Variants in SLC22A23 observed in about 807,000 individuals in gnomAD.
The protein encoded by SLC22A23 is solute carrier family 22 member 23.
Under a neutral mutation model 61.0 loss-of-function variants are expected in SLC22A23, and 26 were observed. The observed-to-expected ratio is 0.43, with a 90% CI of 0.31 to 0.59. The LOEUF is 0.59. SLC22A23 is among the 20% of genes least tolerant of loss of function. The pLI, the probability that SLC22A23 is intolerant of heterozygous loss-of-function variation, is 0.11. For synonymous variants in SLC22A23, 430 were observed against 413.9 expected (o/e 1.04, Z -0.47); for missense variants, 796 against 934.7 (o/e 0.85, Z 1.94).
rs71661359 is a variant in SLC22A23, at chr6:3,379,958, C to CGTGTGT, written c.913+30224_913+30229dup. 4.2e-4 allele frequency among the ~76,000 whole-genome samples: 63 copies of CGTGTGT among 150,172 alleles called. 2 individuals are homozygous for CGTGTGT. Among genetic ancestry groups the CGTGTGT allele is most frequent in the African/African-American group, 1.5e-3 (60 of 40,958 alleles). On this transcript the variant is annotated intron_variant, in intron 3 of 9. Transcript: ENST00000406686. Reference sequence around the variant, plus strand: ...CTTTGGAGAGAAAGGAGTGTGGATGCGTGTGTGTGTGTGTGTGTGCACGTG... The same window carrying CGTGTGT: ...CTTTGGAGAGAAAGGAGTGTGGATGCGTGTGTGTGTGTGTGTGTGTGTGTGCACGTG...
chr6:3,394,721 C>T (rs2127491419), intron 3 of SLC22A23, among the ~76,000 whole-genome samples: 2 of 152,336 alleles, frequency 1.3e-5, no homozygotes, highest in Middle Eastern at 6.8e-3. Context: ...AGACCAGACC[C>T]CTTAAGTCTC....
chr6:3,310,361 CTCCCACTCGAGCACCCTGT>C, intron 4 of SLC22A23, among the ~76,000 whole-genome samples: 1 of 75,584 alleles, frequency 1.3e-5, no homozygotes, highest in Non-Finnish European at 3.2e-5. Flanking sequence ...AGCACCCTGT[CTCCCACTCGAGCACCCTGT>C]CTCCCACTCG....
intron 9 of SLC22A23, chr6:3,282,342 A>T (rs1489596596): frequency 1.4e-6 from 1 of 702,114 alleles, no homozygotes; most frequent in Non-Finnish European, 2.6e-6. Context: ...TAGGGACAGG[A>T]TGAGTTCCTT....
chr6:3,322,776 A>G lies in SLC22A23; in HGVS notation c.1082+1058T>C, dbSNP rs1173737763. 6.6e-6 allele frequency among the ~76,000 whole-genome samples: 1 copy of G among 152,208 alleles called. No homozygotes were observed. Among genetic ancestry groups the G allele is most frequent in the African/African-American group, 2.4e-5 (1 of 41,444 alleles). The stretch of plus-strand genomic sequence containing the variant: ...TCTTCCCTCCCGGGCACCTGAGCAA[A>G]GGAAGCTCAGCTCCAGTGAACCCTT... On this transcript the variant is annotated intron_variant, in intron 4 of 9. Transcript: ENST00000406686. This position sits in a 1 kb window ranked among gnomAD's most constrained non-coding sequence, Gnocchi z 4.1.
At position 3,289,802 on chromosome 6, in the gene SLC22A23, C is replaced by G. The variant is rs142530404; in HGVS notation, c.1275G>C (p.Arg425=). 9.8e-4 allele frequency: 1,581 copies of G among 1,614,018 alleles called. 43 individuals are homozygous for G. The Admixed American group carries it at 0.023, about 23-fold the overall frequency. The change falls in exon 6 of 10, where the codon CGG becomes CGC. Residue 425 remains arginine, a synonymous_variant. Transcript: ENST00000406686. ...GGACCACAATGTTCTTCCACAGGTT[C>G]CGTGTCCCCACCACCTTCACGATGC... The part of the protein sequence containing the change: ...KVCIVKVVGT[R]NLWKNIVVLC...
At chr6:3,364,900 G>C (rs951092357) in intron 3 of SLC22A23, among the ~76,000 whole-genome samples, 3 of 152,196 alleles carry the variant, frequency 2.0e-5, no homozygotes, top group Non-Finnish European at 4.4e-5. Context: ...TGGTGGAGAG[G>C]GGGTAGGGGG....
At position 3,330,109 on chromosome 6, in the gene SLC22A23, G is replaced by A. The variant is rs1360726449; in HGVS notation, c.914-6107C>T. Among the ~76,000 whole-genome samples the A allele has an allele frequency of 6.6e-6, 1 of 152,190 alleles. No homozygotes were observed. Among genetic ancestry groups the A allele is most frequent in the South Asian group, 2.1e-4 (1 of 4,830 alleles). On this transcript the variant is annotated intron_variant, in intron 3 of 9. Coordinates refer to ENST00000406686, the MANE Select transcript of SLC22A23 (RefSeq NM_015482.2). This position sits in a 1 kb window ranked among gnomAD's most constrained non-coding sequence, Gnocchi z 4.7. ...AGCCCCAGAACACACAGGATTCAAA[G>A]AGGCCACTTCTCCAAACCCGCTGTC...
intron 9 of SLC22A23, among the ~76,000 whole-genome samples, chr6:3,278,753 G>A (rs927494143): frequency 6.6e-6 from 1 of 152,216 alleles, no homozygotes; most frequent in African/African-American, 2.4e-5. Flanking sequence ...TGGTAGACCT[G>A]GCTCTTTCAG....
chr6:3,285,234 T>C, intron 7 of SLC22A23, 123 bp from the exon 8 acceptor site: 1 of 1,353,704 alleles, frequency 7.4e-7, no homozygotes. Context: ...TCAAGCAAAC[T>C]CCCTTCCGTG....
chr6:3,332,940 G>T (rs901166468), intron 3 of SLC22A23, among the ~76,000 whole-genome samples: 1 of 152,118 alleles, frequency 6.6e-6, no homozygotes, highest in Admixed American at 6.5e-5. Context: ...TCATGCCCTG[G>T]TTTAATCTCT....
rs151141993 is a variant in SLC22A23 at position 3,308,235 on chromosome 6, G to GC, written c.1083-10018dup. On this transcript the variant is annotated intron_variant, in intron 4 of 9. Coordinates refer to ENST00000406686, the MANE Select transcript of SLC22A23 (RefSeq NM_015482.2). This position sits in a 1 kb window ranked among gnomAD's most constrained non-coding sequence, Gnocchi z 5.1. The stretch of plus-strand genomic sequence containing the variant: ...AGAAAATATTACAGAGAAGACGAAA[G>GC]CCCCCCCATACCGCTCACCCCAATC... 0.013 allele frequency among the ~76,000 whole-genome samples: 1,989 copies of GC among 152,108 alleles called. 49 individuals are homozygous for GC. Among genetic ancestry groups the GC allele is most frequent in the African/African-American group, 0.045 (1,884 of 41,480 alleles).
At chr6:3,294,731 C>G (rs552506383) in intron 5 of SLC22A23, among the ~76,000 whole-genome samples, 27 of 152,294 alleles carry the variant, frequency 1.8e-4, no homozygotes, top group Admixed American at 2.6e-4. Flanking sequence ...GGTTGCAGGA[C>G]TGACATTGAG....
chr6:3,430,350 C>T (rs6939748), intron 1 of SLC22A23, among the ~76,000 whole-genome samples: 46,255 of 151,954 alleles, frequency 0.3, 8,176 homozygotes, highest in East Asian at 0.48. Context: ...GACCAGACTG[C>T]CCCCCTCCCT....
chr6:3,279,439 A>C (rs9503519), intron 9 of SLC22A23, among the ~76,000 whole-genome samples: 1 of 146,512 alleles, frequency 6.8e-6, no homozygotes, highest in Admixed American at 6.9e-5. Context: ...TGAACCAGGG[A>C]GTTGGAGGTT....
At chr6:3,452,205 A>C (rs935184505) in intron 1 of SLC22A23, among the ~76,000 whole-genome samples, 1 of 152,144 alleles carries the variant, frequency 6.6e-6, no homozygotes, top group African/African-American at 2.4e-5. Flanking sequence ...ACAAGACACA[A>C]CACCATCCGA....
Position 3,387,118 on chromosome 6 carries a change from T to C in SLC22A23, c.913+23070A>G, listed in dbSNP as rs1767362108. Among the ~76,000 whole-genome samples the C allele has an allele frequency of 2.0e-5, 3 of 152,222 alleles. No homozygotes were observed. Among genetic ancestry groups the C allele is most frequent in the Non-Finnish European group, 4.4e-5 (3 of 68,048 alleles). On this transcript the variant is annotated intron_variant, in intron 3 of 9. Transcript: ENST00000406686. This position sits in a 1 kb window ranked among gnomAD's most constrained non-coding sequence, Gnocchi z 5.0. ...ACCTAGCCACATGGATTATCTGCCC[T>C]TCATAGCTGTGAGTCCCTTTGCTGA...
intron 3 of SLC22A23, among the ~76,000 whole-genome samples, chr6:3,398,529 C>T (rs1331477560): frequency 6.6e-6 from 1 of 150,606 alleles, no homozygotes; most frequent in Admixed American, 6.6e-5. Context: ...AATAACAGCC[C>T]TTAATCAGAG....
chr6:3,342,905 AC>A lies in SLC22A23; in HGVS notation c.914-18904del, dbSNP rs1281573559. 6.6e-6 allele frequency among the ~76,000 whole-genome samples: 1 copy of A among 152,166 alleles called. No individual in the cohort carries two copies. Among genetic ancestry groups the A allele is most frequent in the Admixed American group, 6.5e-5 (1 of 15,276 alleles). ...GAGGTTGGAATTTGGGGCTTTATAT[AC>A]CATCCTAATGCAGGGAAGGGGTTAG... On this transcript the variant is annotated intron_variant, in intron 3 of 9. Coordinates refer to ENST00000406686, the MANE Select transcript of SLC22A23 (RefSeq NM_015482.2). This position sits in a 1 kb window ranked among gnomAD's most constrained non-coding sequence, Gnocchi z 4.0.
Position 3,273,270 on chromosome 6 carries a change from G to GGATGCAGAT in SLC22A23, c.1837_1845dup (p.Ile613_Ile615dup). The GGATGCAGAT allele has an allele frequency of 1.2e-6, 2 of 1,613,678 alleles. No homozygotes were observed. The highest frequency in any genetic ancestry group is 1.7e-6 in the Non-Finnish European group (2 of 1,179,646). On this transcript the variant is annotated inframe_insertion, in exon 10 of 10. Transcript: ENST00000406686. The stretch of plus-strand genomic sequence containing the variant: ...TGGTCCCTGCTCTCGGGCAGCAGGA[G>GGATGCAGAT]GATGCAGATGATGCAGATGAGCGTG...
Sources: gnomAD v4.1 joint callset for allele counts (sites outside exome capture counted in the v4.1 genomes callset) on GRCh38, gnomAD v4.1.1 for gene constraint, Gnocchi (gnomAD v3.1) non-coding constraint, MANE v1.5 for transcripts, NCBI Gene and HGNC (gene_info 2026-07-23, HGNC 2026-07-21) for gene names.